Variants in OPCML observed in about 807,000 individuals in gnomAD.
OPCML encodes the protein opioid-binding protein/cell adhesion molecule.
A neutral mutation model predicts 37.8 loss-of-function variants in OPCML; 13 were observed. The observed-to-expected ratio is 0.34, with a 90% CI of 0.22 to 0.55. The LOEUF is 0.55. Among genes scored for constraint, OPCML ranks in the 20% least tolerant of loss-of-function variants. The pLI is 0.91. For synonymous variants in OPCML, 176 were observed against 168.8 expected (o/e 1.04, Z -0.33); for missense variants, 341 against 435.6 (o/e 0.78, Z 1.93).
chr11:132,696,668 T>C (rs1185932937), intron 2 of OPCML, among the ~76,000 whole-genome samples: 5 of 152,094 alleles, frequency 3.3e-5, no homozygotes. Flanking sequence ...TGATGGAAAG[T>C]ATGTGTGAGG....
At chr11:132,726,087 A>C (rs1944870265) in intron 2 of OPCML, among the ~76,000 whole-genome samples, 2 of 151,862 alleles carry the variant, frequency 1.3e-5, no homozygotes, top group African/African-American at 4.8e-5. Flanking sequence ...AACTGTTCCA[A>C]CCTCTGCATG....
intron 1 of OPCML, among the ~76,000 whole-genome samples, chr11:133,259,816 T>A (rs187469559): frequency 1.1e-4 from 17 of 152,286 alleles, no homozygotes; most frequent in Admixed American, 1.0e-3. Context: ...CCTGGGAACA[T>A]TTTTTGTATT....
At chr11:133,195,621 A>C (rs780890829) in intron 1 of OPCML, among the ~76,000 whole-genome samples, 1 of 152,218 alleles carries the variant, frequency 6.6e-6, no homozygotes, top group Non-Finnish European at 1.5e-5. Flanking sequence ...TTCAATTAGC[A>C]TGGGAAGAAG....
At chr11:133,371,563 G>A (rs1261055783) in intron 1 of OPCML, among the ~76,000 whole-genome samples, 1 of 152,120 alleles carries the variant, frequency 6.6e-6, no homozygotes, top group Non-Finnish European at 1.5e-5. Context: ...CACCAGATCT[G>A]ATGGTTTCAT....
intron 2 of OPCML, among the ~76,000 whole-genome samples, chr11:132,686,648 G>A (rs935070643): frequency 4.6e-5 from 7 of 152,164 alleles, no homozygotes; most frequent in Admixed American, 2.6e-4. Context: ...CACTTCTATA[G>A]GAGCATCTCC....
intron 1 of OPCML, among the ~76,000 whole-genome samples, chr11:133,386,662 G>A (rs182171964): frequency 1.3e-5 from 2 of 152,314 alleles, no homozygotes; most frequent in East Asian, 1.9e-4. Flanking sequence ...TTCCCTCTGC[G>A]ATGTCCTCTT....
chr11:133,170,211 T>G (rs1285288452), intron 1 of OPCML, among the ~76,000 whole-genome samples: 1 of 152,228 alleles, frequency 6.6e-6, no homozygotes, highest in African/African-American at 2.4e-5. Context: ...GCACGGTGGC[T>G]CACGCCTGTA....
chr11:133,483,196 G>A (rs67593439), intron 1 of OPCML, among the ~76,000 whole-genome samples: 32,390 of 151,932 alleles, frequency 0.21, 3,897 homozygotes, highest in African/African-American at 0.29. Context: ...AAACAAAAAT[G>A]AAATACCAGT....
intron 3 of OPCML, among the ~76,000 whole-genome samples, chr11:132,634,759 C>T (rs1160806400): frequency 6.6e-6 from 1 of 152,140 alleles, no homozygotes; most frequent in Admixed American, 6.5e-5. Context: ...GTAAGGCATT[C>T]ATGACCATAA....
At chr11:132,486,558 C>T (rs576966415) in intron 4 of OPCML, among the ~76,000 whole-genome samples, 2 of 152,034 alleles carry the variant, frequency 1.3e-5, no homozygotes, top group Non-Finnish European at 2.9e-5. Flanking sequence ...TCAAACCCCA[C>T]CAAAATCCTG....
chr11:132,813,056 A>G (rs1257051736), intron 2 of OPCML, among the ~76,000 whole-genome samples: 2 of 152,250 alleles, frequency 1.3e-5, no homozygotes, highest in Non-Finnish European at 2.9e-5. Context: ...CTCAATAAAA[A>G]TCAATAAAAT....
At chr11:133,383,443 G>A (rs3923707) in intron 1 of OPCML, among the ~76,000 whole-genome samples, 9 of 151,978 alleles carry the variant, frequency 5.9e-5, no homozygotes, top group African/African-American at 1.7e-4. Context: ...CGGGTCATCC[G>A]ATCTGTAATC....
intron 1 of OPCML, among the ~76,000 whole-genome samples, chr11:133,202,162 G>A (rs1307373246): frequency 6.6e-6 from 1 of 152,168 alleles, no homozygotes; most frequent in African/African-American, 2.4e-5. Context: ...TCTCTGCCGA[G>A]GTAACGTTGC....
intron 1 of OPCML, among the ~76,000 whole-genome samples, chr11:133,230,355 G>A (rs1325077239): frequency 6.6e-6 from 1 of 152,056 alleles, no homozygotes; most frequent in Non-Finnish European, 1.5e-5. Context: ...TGTGGCAAAG[G>A]CATTCACCCT....
intron 1 of OPCML, among the ~76,000 whole-genome samples, chr11:132,996,873 G>A (rs867651086): frequency 2.0e-5 from 3 of 152,024 alleles, no homozygotes; most frequent in South Asian, 2.1e-4. Flanking sequence ...ATCATTTATC[G>A]CTCAGTGACA....
chr11:132,666,564 A>G (rs495500), intron 2 of OPCML, among the ~76,000 whole-genome samples: 127,225 of 152,228 alleles, frequency 0.84, 53,661 homozygotes, highest in African/African-American at 0.95. Context: ...CATGGGCAAG[A>G]CCTTACTCAC....
chr11:132,436,913 G>A, intron 5 of OPCML, 134 bp from the exon 6 acceptor site: 1 of 1,452,252 alleles, frequency 6.9e-7, no homozygotes, highest in Non-Finnish European at 9.1e-7. Flanking sequence ...CTCTTTCCCA[G>A]TAAAATAATC....
intron 1 of OPCML, among the ~76,000 whole-genome samples, chr11:133,050,117 C>G (rs1481766955): frequency 6.6e-6 from 1 of 152,192 alleles, no homozygotes; most frequent in East Asian, 1.9e-4. Flanking sequence ...TGGGCCAGCA[C>G]AGCTCTCCTT....
intron 2 of OPCML, among the ~76,000 whole-genome samples, chr11:132,721,740 G>C (rs953234745): frequency 6.6e-6 from 1 of 152,002 alleles, no homozygotes; most frequent in Non-Finnish European, 1.5e-5. Context: ...GGTAGAAACC[G>C]GACTGCTGTT....
Sources: gnomAD v4.1 joint callset for allele counts (sites outside exome capture counted in the v4.1 genomes callset) on GRCh38, gnomAD v4.1.1 for gene constraint, MANE v1.5 for transcripts, NCBI Gene and HGNC (gene_info 2026-07-23, HGNC 2026-07-21) for gene names.